Variants in FIGN observed in about 807,000 individuals in gnomAD.
FIGN encodes the protein fidgetin.
Under a neutral mutation model 51.3 loss-of-function variants are expected in FIGN, and 11 were observed. The ratio of observed to expected loss-of-function variants is 0.21; its 90% CI spans 0.13 to 0.35. The LOEUF (loss-of-function observed/expected upper bound fraction) is 0.35. FIGN is among the 10% of genes least tolerant of loss of function. The pLI, the probability that FIGN is intolerant of heterozygous loss-of-function variation, is 1.00. For missense variants in FIGN, 857 were observed against 943.6 expected (o/e 0.91, Z 1.20); for synonymous variants, 407 against 363.2 (o/e 1.12, Z -1.37).
intron 2 of FIGN, among the ~76,000 whole-genome samples, chr2:163,721,123 C>T (rs1684750398): frequency 6.6e-6 from 1 of 152,170 alleles, no homozygotes; most frequent in African/African-American, 2.4e-5. Flanking sequence ...TGAGAAGGAT[C>T]ACCCAATTTT....
At chr2:163,660,315 T>C (rs979007790) in intron 2 of FIGN, among the ~76,000 whole-genome samples, 2 of 152,076 alleles carry the variant, frequency 1.3e-5, no homozygotes, top group Non-Finnish European at 2.9e-5. Flanking sequence ...TGTGAAAGAA[T>C]TGATGCACCT....
At chr2:163,676,435 ATATATAT>A in intron 2 of FIGN, among the ~76,000 whole-genome samples, 1 of 5,988 alleles carries the variant, frequency 1.7e-4, no homozygotes, top group African/African-American at 1.2e-3. Flanking sequence ...GATTCCTGGA[ATATATAT>A]ATATATATAT....
At chr2:163,629,111 G>C (rs1210391947) in intron 2 of FIGN, among the ~76,000 whole-genome samples, 1 of 152,168 alleles carries the variant, frequency 6.6e-6, no homozygotes, top group Non-Finnish European at 1.5e-5. Flanking sequence ...ATGGAAGACA[G>C]AGTAGAGAGA....
At chr2:163,643,801 G>A (rs981825136) in intron 2 of FIGN, among the ~76,000 whole-genome samples, 4 of 151,172 alleles carry the variant, frequency 2.6e-5, no homozygotes, top group East Asian at 1.9e-4. Context: ...GTGTGGTGGC[G>A]TGCACCTGCA....
chr2:163,732,007 CA>C (rs1178854582), intron 2 of FIGN, among the ~76,000 whole-genome samples: 2 of 152,100 alleles, frequency 1.3e-5, no homozygotes, highest in Non-Finnish European at 2.9e-5. Flanking sequence ...GACAAGTATC[CA>C]AAAACTCTAT....
At chr2:163,644,820 A>G (rs1441238373) in intron 2 of FIGN, among the ~76,000 whole-genome samples, 6 of 152,256 alleles carry the variant, frequency 3.9e-5, no homozygotes, top group Non-Finnish European at 7.3e-5. Flanking sequence ...GAAGCCAGAC[A>G]AAAATACCCA....
intron 2 of FIGN, among the ~76,000 whole-genome samples, chr2:163,679,321 G>A (rs1225982119): frequency 4.6e-5 from 7 of 151,862 alleles, no homozygotes; most frequent in Admixed American, 1.3e-4. Context: ...GTGAAACCCC[G>A]TCTCTGCTAA....
At chr2:163,645,405 A>C (rs929580679) in intron 2 of FIGN, among the ~76,000 whole-genome samples, 1 of 152,214 alleles carries the variant, frequency 6.6e-6, no homozygotes, top group African/African-American at 2.4e-5. Flanking sequence ...AAGTATTAGA[A>C]TGATAATAAT....
chr2:163,690,763 G>T (rs1304317392), intron 2 of FIGN, among the ~76,000 whole-genome samples: 3 of 151,942 alleles, frequency 2.0e-5, no homozygotes, highest in Non-Finnish European at 4.4e-5. Flanking sequence ...ATTTTAAAGA[G>T]ATGGAAAAGA....
intron 2 of FIGN, among the ~76,000 whole-genome samples, chr2:163,669,017 T>TATATATATATATATAC (rs1553499083): frequency 1.4e-5 from 2 of 143,418 alleles, no homozygotes; most frequent in African/African-American, 5.2e-5. Flanking sequence ...AAAAAAGGAA[T>TATATATATATATATAC]ATATATATAT....
At position 163,611,766 on chromosome 2, in the gene FIGN, T is replaced by G; in HGVS notation, c.66A>C (p.Pro22=). ...TTGAGGTGATGTCAAAGTGCTGTTC[T>G]GGCCACTGGGCATGCTCTGGCGTCC... ...MQWTPEHAQW[P]EQHFDITSTT... Residue 22 remains proline, a synonymous_variant, in exon 3 of 3, where the codon CCA becomes CCC. Coordinates refer to ENST00000333129, the MANE Select transcript of FIGN (RefSeq NM_018086.4). 6.2e-7 allele frequency: 1 copy of G among 1,612,398 alleles called. No homozygotes were observed. The highest frequency in any genetic ancestry group is 8.5e-7 in the Non-Finnish European group (1 of 1,178,490).
chr2:163,640,844 T>TACCTATG (rs1683295262), intron 2 of FIGN, among the ~76,000 whole-genome samples: 1 of 152,190 alleles, frequency 6.6e-6, no homozygotes, highest in East Asian at 1.9e-4. Flanking sequence ...ATAACACTGG[T>TACCTATG]ACCTATGAAT....
At chr2:163,614,961 T>A (rs1315459094) in intron 2 of FIGN, among the ~76,000 whole-genome samples, 2 of 152,166 alleles carry the variant, frequency 1.3e-5, no homozygotes, top group African/African-American at 4.8e-5. Flanking sequence ...GTATACAGTT[T>A]AAATAGAGTG....
At chr2:163,681,541 T>C (rs1684061848) in intron 2 of FIGN, among the ~76,000 whole-genome samples, 1 of 152,086 alleles carries the variant, frequency 6.6e-6, no homozygotes, top group Non-Finnish European at 1.5e-5. Flanking sequence ...TGAGACCCCA[T>C]CTCTTAAAAA....
At chr2:163,651,539 G>A (rs886985290) in intron 2 of FIGN, among the ~76,000 whole-genome samples, 1 of 152,182 alleles carries the variant, frequency 6.6e-6, no homozygotes, top group Non-Finnish European at 1.5e-5. Context: ...TGCAGTTGAG[G>A]AGGAGTTACA....
At chr2:163,687,316 A>G (rs1684166461) in intron 2 of FIGN, among the ~76,000 whole-genome samples, 1 of 152,192 alleles carries the variant, frequency 6.6e-6, no homozygotes, top group South Asian at 2.1e-4. Context: ...CTTTCTCCAG[A>G]GCAGTGGAGA....
chr2:163,607,671 T>A lies in FIGN; in HGVS notation c.*1881A>T, dbSNP rs907871587. 3 of 152,722 alleles carry A rather than the reference T, an allele frequency of 2.0e-5. No individual in the cohort carries two copies. Among genetic ancestry groups the A allele is most frequent in the African/African-American group, 7.2e-5 (3 of 41,570 alleles). 9.5% of individuals were successfully genotyped at this position (152,722 alleles called of 1,614,324 possible). ...TTAAAAATGTACATCACTTATTTAT[T>A]GAATACATAAAATGCCAGTGCTTTG... is the stretch of plus-strand genomic sequence containing the variant. On this transcript the variant is annotated 3_prime_UTR_variant, in exon 3 of 3. Coordinates refer to ENST00000333129, the MANE Select transcript of FIGN (RefSeq NM_018086.4).
chr2:163,709,429 C>T (rs1684553115), intron 2 of FIGN, among the ~76,000 whole-genome samples: 1 of 152,122 alleles, frequency 6.6e-6, no homozygotes, highest in Admixed American at 6.6e-5. Flanking sequence ...CAAAAGAGTT[C>T]ATCTGGAGAG....
intron 2 of FIGN, among the ~76,000 whole-genome samples, chr2:163,702,905 T>C (rs1177115558): frequency 6.6e-6 from 1 of 152,130 alleles, no homozygotes; most frequent in East Asian, 1.9e-4. Flanking sequence ...TTTCTCAAAA[T>C]AGGTAGACTT....
Sources: allele counts gnomAD v4.1 joint callset (sites outside exome capture counted in the v4.1 genomes callset), GRCh38; gene constraint gnomAD v4.1.1; transcripts MANE v1.5; gene names NCBI Gene and HGNC (gene_info 2026-07-23, HGNC 2026-07-21).